Variants in ACACB observed in about 807,000 individuals in gnomAD.
The protein encoded by ACACB is acetyl-CoA carboxylase beta, also known as acetyl-CoA carboxylase 2.
ACACB carries 209 observed loss-of-function variants against 278.8 expected under a neutral mutation model. The observed-to-expected ratio is 0.75, with a 90% CI of 0.67 to 0.84. ACACB has a LOEUF of 0.84. ACACB is among the 40% of genes least tolerant of loss of function. The pLI, the probability that ACACB is intolerant of heterozygous loss-of-function variation, is 0.00. For synonymous variants in ACACB, 1,174 were observed against 1,285.6 expected (o/e 0.91, Z 1.86); for missense variants, 2,850 against 3,269.0 (o/e 0.87, Z 3.13).
At chr12:109,239,753 T>C (rs756448533) in intron 34 of ACACB, 77 bp from the exon 35 acceptor site, 3 of 1,453,380 alleles carry the variant, frequency 2.1e-6, no homozygotes, top group Non-Finnish European at 2.7e-6. Flanking sequence ...TCTGCCTCTT[T>C]GGGGCTGAGT....
At chr12:109,166,806 C>T in intron 2 of ACACB, 55 bp from the exon 3 acceptor site, 1 of 1,612,414 alleles carries the variant, frequency 6.2e-7, no homozygotes, top group Non-Finnish European at 8.5e-7. Flanking sequence ...GTGCCGAGCT[C>T]TGAGTCCCAG....
chr12:109,252,464 A>G (rs1031110380), intron 42 of ACACB: 11 of 238,234 alleles, frequency 4.6e-5, no homozygotes, highest in Non-Finnish European at 6.4e-5. Context: ...TGCAGCTTCT[A>G]TCATTCTGGT....
intron 4 of ACACB, among the ~76,000 whole-genome samples, chr12:109,171,357 T>C (rs922937052): frequency 2.0e-5 from 3 of 151,712 alleles, no homozygotes; most frequent in African/African-American, 7.3e-5. Flanking sequence ...TTCTTTCTTT[T>C]TTTTTTTTAT....
At chr12:109,222,107 G>C (rs1260950846) in intron 24 of ACACB, among the ~76,000 whole-genome samples, 1 of 151,686 alleles carries the variant, frequency 6.6e-6, no homozygotes, top group Non-Finnish European at 1.5e-5. Context: ...TGCCCAGGCT[G>C]GTCTCAAACT....
chr12:109,223,228 G>A (rs969224439), intron 26 of ACACB, among the ~76,000 whole-genome samples: 5 of 152,142 alleles, frequency 3.3e-5, no homozygotes, highest in South Asian at 2.1e-4. Flanking sequence ...TGGCTGAGTC[G>A]CGGCCTCATC....
chr12:109,206,918 T>G, intron 20 of ACACB, 62 bp downstream of exon 20: 2 of 1,576,884 alleles, frequency 1.3e-6, no homozygotes, highest in Admixed American at 3.4e-5. Flanking sequence ...ATCTACCCCG[T>G]GACAGCAGAG....
intron 1 of ACACB, among the ~76,000 whole-genome samples, chr12:109,129,429 C>A (rs915038900): frequency 6.6e-6 from 1 of 152,152 alleles, no homozygotes; most frequent in African/African-American, 2.4e-5. Context: ...ACACTTGTCG[C>A]GACTTATTAG....
chr12:109,217,633 C>T (rs576037706), intron 24 of ACACB, among the ~76,000 whole-genome samples: 1 of 152,060 alleles, frequency 6.6e-6, no homozygotes, highest in East Asian at 1.9e-4. Flanking sequence ...ACCCCCATCT[C>T]TACAAAAAGT....
In ACACB at chr12:109,266,985, C is replaced by T. The variant is rs1273432323; in HGVS notation, c.*623C>T. On this transcript the variant is annotated 3_prime_UTR_variant, in exon 53 of 53. Coordinates refer to ENST00000338432, the MANE Select transcript of ACACB (RefSeq NM_001093.4). ...AGTGGCATGATCTCACTGCAACCTC[C>T]ATCTCCTGTCTCAGCCTCCTAGATA... The T allele has an allele frequency of 1.3e-5, 2 of 150,814 alleles. No homozygotes were observed. Among genetic ancestry groups the T allele is most frequent in the African/African-American group, 4.9e-5 (2 of 40,764 alleles). 9.3% of individuals were successfully genotyped at this position (150,814 alleles called of 1,614,324 possible).
Position 109,252,127 on chromosome 12 carries a change from A to C in ACACB, c.5872A>C (p.Ile1958Leu). The change falls in exon 42 of 53, where the codon ATC (isoleucine) becomes CTC (leucine). Residue 1958 changes from isoleucine to leucine, a missense_variant. Physicochemically the swap from Ile to Leu is conservative, Grantham distance 5. Coordinates refer to ENST00000338432, the MANE Select transcript of ACACB (RefSeq NM_001093.4). ...RVIQVENSHIILTGASALNKV... is the reference protein window; with the variant it reads ...RVIQVENSHILLTGASALNKV... Reference sequence around the variant, plus strand: ...GATCCAGGTGGAGAATTCCCACATCATCCTCACAGGAGCAAGTGCTCTCAA... The same window carrying C: ...GATCCAGGTGGAGAATTCCCACATCCTCCTCACAGGAGCAAGTGCTCTCAA... 6.2e-7 allele frequency: 1 copy of C among 1,613,084 alleles called. No individual in the cohort carries two copies. Among genetic ancestry groups the C allele is most frequent in the Non-Finnish European group, 8.5e-7 (1 of 1,179,632 alleles).
At chr12:109,182,782 T>G (rs2044523620) in intron 11 of ACACB, among the ~76,000 whole-genome samples, 1 of 152,232 alleles carries the variant, frequency 6.6e-6, no homozygotes, top group Non-Finnish European at 1.5e-5. Flanking sequence ...TCCTTTGCTG[T>G]GCAGAAGTTT....
At chr12:109,256,637 C>A (rs1327792829) in intron 45 of ACACB, among the ~76,000 whole-genome samples, 2 of 152,208 alleles carry the variant, frequency 1.3e-5, no homozygotes, top group Non-Finnish European at 2.9e-5. Context: ...CCAAGCTGGG[C>A]AGCTCACCCT....
intron 2 of ACACB, among the ~76,000 whole-genome samples, chr12:109,140,340 T>TCAAAA (rs2043091095): frequency 1.0e-5 from 1 of 98,458 alleles, no homozygotes; most frequent in Admixed American, 1.1e-4. Flanking sequence ...CCTTCCTTCC[T>TCAAAA]TCCTTCCTTC....
intron 24 of ACACB, among the ~76,000 whole-genome samples, chr12:109,220,895 T>C (rs2046141264): frequency 1.3e-5 from 2 of 152,190 alleles, no homozygotes; most frequent in Non-Finnish European, 2.9e-5. Context: ...ATCTTTTGTA[T>C]GTAGAAGGCA....
intron 11 of ACACB, among the ~76,000 whole-genome samples, 196 bp downstream of exon 11, chr12:109,180,283 A>G (rs914950454): frequency 2.0e-5 from 3 of 152,248 alleles, no homozygotes; most frequent in African/African-American, 7.2e-5. Flanking sequence ...CAGGACATTC[A>G]TAGACCTAGA....
intron 2 of ACACB, among the ~76,000 whole-genome samples, chr12:109,157,875 A>T (rs530926068): frequency 1.6e-4 from 24 of 152,260 alleles, no homozygotes; most frequent in Admixed American, 1.5e-3. Context: ...AAAGTTGGGG[A>T]TGAGGAGGCA....
chr12:109,202,051 C>T (rs1016691359), intron 19 of ACACB, among the ~76,000 whole-genome samples: 6 of 152,162 alleles, frequency 3.9e-5, no homozygotes, highest in African/African-American at 1.2e-4. Context: ...TCCCTCCTGG[C>T]GGCTGTCCTC....
At chr12:109,121,033 A>G (rs1375180120) in intron 1 of ACACB, among the ~76,000 whole-genome samples, 1 of 152,098 alleles carries the variant, frequency 6.6e-6, no homozygotes, top group African/African-American at 2.4e-5. Context: ...TCCACCTCCC[A>G]GGTTCAAGCG....
At chr12:109,245,529 T>A (rs2046915278) in intron 37 of ACACB, 97 bp from the exon 38 acceptor site, 1 of 1,334,226 alleles carries the variant, frequency 7.5e-7, no homozygotes, top group Non-Finnish European at 1.0e-6. Flanking sequence ...AACTACAGAA[T>A]TCACCCTGGA....
Sources: allele counts gnomAD v4.1 joint callset (sites outside exome capture counted in the v4.1 genomes callset), GRCh38; gene constraint gnomAD v4.1.1; transcripts MANE v1.5; gene names NCBI Gene and HGNC (gene_info 2026-07-23, HGNC 2026-07-21).